LOC128071547: variants seen among roughly 807,000 people sequenced by gnomAD.
chr12:120,534,911 C>T, the LOC128071547 span: 1 of 1,607,178 alleles, frequency 6.2e-7, no homozygotes, highest in Non-Finnish European at 8.5e-7. Context: ...CAGCAAAGGG[C>T]AACAGCCGCC....
chr12:120,534,757 G>C, the LOC128071547 span: 3 of 1,513,624 alleles, frequency 2.0e-6, no homozygotes, highest in Non-Finnish European at 2.6e-6. Flanking sequence ...CATGAGCCTG[G>C]GTCCCCGCCG....
the LOC128071547 span, chr12:120,534,877 C>A: frequency 6.2e-7 from 1 of 1,608,486 alleles, no homozygotes; most frequent in East Asian, 2.2e-5. Flanking sequence ...GCGGCTCCAA[C>A]AGCTCCTCCG....
the LOC128071547 span, chr12:120,534,718 C>T: frequency 3.8e-5 from 53 of 1,406,128 alleles, no homozygotes; most frequent in Non-Finnish European, 4.9e-5. Context: ...GAACCGCTGC[C>T]GCCGCCGACC....
the LOC128071547 span, chr12:120,534,836 G>A: frequency 6.3e-7 from 1 of 1,598,310 alleles, no homozygotes; most frequent in East Asian, 2.3e-5. Context: ...CCCCAACGCC[G>A]CCGCCACCGC....
the LOC128071547 span, chr12:120,534,697 A>T: frequency 7.2e-7 from 1 of 1,390,644 alleles, no homozygotes; most frequent in Non-Finnish European, 9.2e-7. Flanking sequence ...AAATGTCGCC[A>T]TGAAGGCCGA....
At chr12:120,534,779 C>T in the LOC128071547 span, 2 of 1,539,460 alleles carry the variant, frequency 1.3e-6, no homozygotes, top group East Asian at 2.4e-5. Flanking sequence ...GCCCGCTCCG[C>T]TCCGACTGCC....
the LOC128071547 span, chr12:120,534,945 C>T: frequency 1.2e-6 from 2 of 1,601,212 alleles, no homozygotes; most frequent in Non-Finnish European, 1.7e-6. Flanking sequence ...GCGGGGCCAG[C>T]CGGCGAGTCT....
chr12:120,534,839 G>A, the LOC128071547 span: 1 of 1,601,142 alleles, frequency 6.2e-7, no homozygotes, highest in Admixed American at 1.7e-5. Flanking sequence ...CAACGCCGCC[G>A]CCACCGCCTC....
chr12:120,534,840 C>T, the LOC128071547 span: 3 of 1,602,232 alleles, frequency 1.9e-6, no homozygotes, highest in Non-Finnish European at 2.5e-6. Context: ...AACGCCGCCG[C>T]CACCGCCTCC....
chr12:120,534,857 G>GACAAGA, the LOC128071547 span: 1 of 1,607,870 alleles, frequency 6.2e-7, no homozygotes. Flanking sequence ...CTCCGACATG[G>GACAAGA]ACAAGAACAG....
At chr12:120,534,754 C>CT in the LOC128071547 span, 2 of 1,513,170 alleles carry the variant, frequency 1.3e-6, no homozygotes, top group Non-Finnish European at 1.8e-6. Flanking sequence ...CGCCATGAGC[C>CT]TGGGTCCCCG....
the LOC128071547 span, chr12:120,534,774 C>T: frequency 3.3e-6 from 5 of 1,534,472 alleles, no homozygotes; most frequent in Middle Eastern, 1.7e-4. Flanking sequence ...GCCGCGCCCG[C>T]TCCGCTCCGA....
the LOC128071547 span, chr12:120,534,828 C>T: frequency 1.9e-6 from 3 of 1,592,714 alleles, no homozygotes; most frequent in East Asian, 2.3e-5. Flanking sequence ...CTGAGCTCCC[C>T]CAACGCCGCC....
the LOC128071547 span, chr12:120,534,702 G>A: frequency 5.0e-6 from 7 of 1,397,526 alleles, no homozygotes; most frequent in Non-Finnish European, 3.7e-6. Context: ...TCGCCATGAA[G>A]GCCGAGAACC....
At chr12:120,534,815 C>T in the LOC128071547 span, 3 of 1,578,200 alleles carry the variant, frequency 1.9e-6, no homozygotes, top group Admixed American at 1.8e-5. Context: ...CCCGTTGATG[C>T]CGCTGAGCTC....
the LOC128071547 span, chr12:120,534,878 A>G: frequency 6.2e-7 from 1 of 1,608,452 alleles, no homozygotes; most frequent in South Asian, 1.1e-5. Context: ...CGGCTCCAAC[A>G]GCTCCTCCGC....
At chr12:120,534,781 C>T in the LOC128071547 span, 1 of 1,540,950 alleles carries the variant, frequency 6.5e-7, no homozygotes, top group African/African-American at 1.4e-5. Flanking sequence ...CCGCTCCGCT[C>T]CGACTGCCGT....
the LOC128071547 span, chr12:120,534,828 C>G: frequency 1.9e-6 from 3 of 1,592,714 alleles, no homozygotes; most frequent in Non-Finnish European, 2.6e-6. Flanking sequence ...CTGAGCTCCC[C>G]CAACGCCGCC....
At chr12:120,534,758 G>T in the LOC128071547 span, 1 of 1,515,168 alleles carries the variant, frequency 6.6e-7, no homozygotes, top group African/African-American at 1.4e-5. Flanking sequence ...ATGAGCCTGG[G>T]TCCCCGCCGC....
Sources: allele counts gnomAD v4.1 joint callset, GRCh38; gene constraint gnomAD v4.1.1; transcripts MANE v1.5.